Variants in PHLPP2 observed in about 807,000 individuals in gnomAD.
PHLPP2 encodes PH domain and leucine rich repeat protein phosphatase 2, also known as PH domain leucine-rich repeat-containing protein phosphatase 2.
A neutral mutation model predicts 124.9 loss-of-function variants in PHLPP2; 66 were observed. The ratio of observed to expected loss-of-function variants is 0.53; its 90% CI spans 0.43 to 0.65. The LOEUF (loss-of-function observed/expected upper bound fraction) is 0.65, where lower values mean the gene tolerates loss of function less well. Ranked by LOEUF, PHLPP2 falls within the 30% of genes least tolerant of loss-of-function variation. The pLI is 0.00. For synonymous variants in PHLPP2, 681 were observed against 624.7 expected, an observed-to-expected ratio of 1.09 and a Z score of -1.34; for missense variants, 1,685 against 1,600.4, an observed-to-expected ratio of 1.05 and a Z score of -0.90.
chr16:71,648,976 T>C lies in PHLPP2; in HGVS notation c.3886A>G (p.Lys1296Glu), dbSNP rs376338553. Residue 1296 changes from lysine (K) to glutamate (E), a missense_variant, in exon 19 of 19, where the codon AAA (lysine) becomes GAA (glutamate). Physicochemically the swap from Lys to Glu is moderately conservative, Grantham distance 56. Transcript: ENST00000568954. ...DLEEEVKEQM[K>E]QHQDSRLEPE... Reference sequence around the variant, plus strand: ...TCGAGCCGGCTGTCCTGGTGCTGTTTCATTTGTTCCTTCACTTCTTCTTCC... The same window carrying C: ...TCGAGCCGGCTGTCCTGGTGCTGTTCCATTTGTTCCTTCACTTCTTCTTCC... The C allele has an allele frequency of 3.1e-6, 5 of 1,613,978 alleles. No homozygotes were observed. Among genetic ancestry groups the C allele is most frequent in the Non-Finnish European group, 4.2e-6 (5 of 1,180,026 alleles).
chr16:71,723,693 A>C, intron 1 of PHLPP2: 1 of 659,466 alleles, frequency 1.5e-6, no homozygotes, highest in African/African-American at 1.9e-5. Context: ...AGCGGCCTCT[A>C]GCCTCCCTCG....
intron 17 of PHLPP2, 78 bp from the exon 18 acceptor site, chr16:71,653,099 CTTT>C (rs11298836): frequency 0.075 from 37,910 of 505,700 alleles, no homozygotes; most frequent in East Asian, 0.1. Context: ...TACATCCCTT[CTTT>C]TTTTTTTTTT....
chr16:71,709,609 A>G (rs2045310573), intron 2 of PHLPP2, among the ~76,000 whole-genome samples: 1 of 152,226 alleles, frequency 6.6e-6, no homozygotes, highest in African/African-American at 2.4e-5. Flanking sequence ...TTATCACTCG[A>G]AACAGTTCAA....
chr16:71,651,592 T>C (rs1480109200), intron 18 of PHLPP2, among the ~76,000 whole-genome samples: 1 of 152,186 alleles, frequency 6.6e-6, no homozygotes, highest in Non-Finnish European at 1.5e-5. Context: ...CTTTCATTTG[T>C]TTTGACTGAA....
At position 71,646,217 on chromosome 16, in the gene PHLPP2, A is replaced by G. The variant is rs2044652274; in HGVS notation, c.*2673T>C. On this transcript the variant is annotated 3_prime_UTR_variant, in exon 19 of 19. Transcript: ENST00000568954. ...CTGTAAGTTACCTCATAGGTCAAAG[A>G]GTTTTGTATTATATTTTTCATAATG... The G allele has an allele frequency of 6.6e-6, 1 of 152,574 alleles. No individual in the cohort carries two copies. The highest frequency in any genetic ancestry group is 2.4e-5 in the African/African-American group (1 of 41,466). 9.5% of individuals were successfully genotyped at this position (152,574 alleles called of 1,614,324 possible).
In PHLPP2 at chr16:71,708,496, G is replaced by A. The variant is rs144013321; in HGVS notation, c.285-5765C>T. Among the ~76,000 whole-genome samples, 661 of 152,228 alleles carry A rather than the reference G, an allele frequency of 4.3e-3. 11 individuals are homozygous for A. The highest frequency in any genetic ancestry group is 0.015 in the African/African-American group (640 of 41,528). ...CTGATTCCTTTTTCCGACTCAGCCC[G>A]CCTGCACCCATGTGATTAAAAAGCT... is the stretch of plus-strand genomic sequence containing the variant. On this transcript the variant is annotated intron_variant, in intron 2 of 18. Transcript: ENST00000568954.
In PHLPP2 at chr16:71,658,848, C is replaced by A. The variant is rs576209357; in HGVS notation, c.1986-33G>T. The A allele has an allele frequency of 2.1e-5, 34 of 1,603,220 alleles. No individual in the cohort carries two copies. In the South Asian group the frequency reaches 3.0e-4, roughly 14 times the overall value. Reference sequence around the variant, plus strand: ...AGAAACAACAGAATACTATAATGCACCAAGACTGAGCAGCTGCCAAGGAAG... The same window carrying A: ...AGAAACAACAGAATACTATAATGCAACAAGACTGAGCAGCTGCCAAGGAAG... On this transcript the variant is annotated intron_variant, in intron 13 of 18. Transcript: ENST00000568954.
chr16:71,647,494 C>G lies in PHLPP2; in HGVS notation c.*1396G>C, dbSNP rs2044661682. ...CATTCTAGAGAACCATCCCTCTCCTCCAGCATAGGAGAAGGAACAAGTCTA... is the reference window on the plus strand; with the variant it reads ...CATTCTAGAGAACCATCCCTCTCCTGCAGCATAGGAGAAGGAACAAGTCTA... On this transcript the variant is annotated 3_prime_UTR_variant, in exon 19 of 19. Coordinates refer to ENST00000568954, the MANE Select transcript of PHLPP2 (RefSeq NM_015020.3). 1 of 152,426 alleles carries G rather than the reference C, an allele frequency of 6.6e-6. No individual in the cohort carries two copies. Among genetic ancestry groups the G allele is most frequent in the Non-Finnish European group, 1.5e-5 (1 of 68,052 alleles). The allele number at this position is 152,426 out of a possible 1,614,324, so 9.4% of individuals were successfully genotyped here. A position where few individuals can be genotyped will look rare whatever the true frequency, so the allele number is the denominator to read the frequency against.
At chr16:71,654,982 T>C (rs1014355937) in intron 17 of PHLPP2, 3 of 430,498 alleles carry the variant, frequency 7.0e-6, no homozygotes, top group Non-Finnish European at 1.3e-5. Flanking sequence ...ACACACAACA[T>C]TTTGCACATA....
chr16:71,685,198 G>T (rs143408429), intron 4 of PHLPP2, among the ~76,000 whole-genome samples: 1 of 152,146 alleles, frequency 6.6e-6, no homozygotes, highest in African/African-American at 2.4e-5. Context: ...GTGGTCACGG[G>T]CTCCTGTAAT....
At chr16:71,653,400 G>A (rs1473486463) in intron 17 of PHLPP2, among the ~76,000 whole-genome samples, 2 of 152,152 alleles carry the variant, frequency 1.3e-5, no homozygotes, top group Non-Finnish European at 2.9e-5. Flanking sequence ...CAGTGGGTAA[G>A]AGGCTGGCCC....
rs752382659 is a variant in PHLPP2 at position 71,714,646 on chromosome 16, G to T, written c.150C>A (p.Ser50=). The T allele has an allele frequency of 6.2e-7, 1 of 1,613,658 alleles. No homozygotes were observed. The highest frequency in any genetic ancestry group is 8.5e-7 in the Non-Finnish European group (1 of 1,179,592). ...AAGAGGAGGAGGAGGAAGAGGAAGAGGAGGTGGTGGTGGTTGTAGTGGCAG... is the reference window on the plus strand; with the variant it reads ...AAGAGGAGGAGGAGGAAGAGGAAGATGAGGTGGTGGTGGTTGTAGTGGCAG... ...TTTATTTTTT[S]SSSSSSSSSS... Residue 50 remains serine, a synonymous_variant, in exon 2 of 19, where the codon TCC becomes TCA. Coordinates refer to ENST00000568954, the MANE Select transcript of PHLPP2 (RefSeq NM_015020.3).
Position 71,649,406 on chromosome 16 carries a change from G to C in PHLPP2, c.3456C>G (p.Asp1152Glu), listed in dbSNP as rs112926670. 27 of 1,614,090 alleles carry C rather than the reference G, an allele frequency of 1.7e-5. No homozygotes were observed. The highest frequency in any genetic ancestry group is 1.2e-4 in the African/African-American group (9 of 75,032). The change falls in exon 19 of 19, where the codon GAC (aspartate) becomes GAG (glutamate). Residue 1152 changes from aspartate (D) to glutamate (E), a missense_variant. Physicochemically the swap from Asp to Glu is conservative, Grantham distance 45 (BLOSUM62 2). Coordinates refer to ENST00000568954, the MANE Select transcript of PHLPP2 (RefSeq NM_015020.3). Reference sequence around the variant, plus strand: ...TGGTTATGACCCCCTCAACGGGCTGGTCATCATCACTGTCCAGGCCGTTGT... The same window carrying C: ...TGGTTATGACCCCCTCAACGGGCTGCTCATCATCACTGTCCAGGCCGTTGT... ...QSDNGLDSDDDQPVEGVITNG... is the reference protein window; with the variant it reads ...QSDNGLDSDDEQPVEGVITNG...
chr16:71,653,952 T>C (rs1329140595), intron 17 of PHLPP2, among the ~76,000 whole-genome samples: 1 of 151,770 alleles, frequency 6.6e-6, no homozygotes, highest in East Asian at 1.9e-4. Context: ...TCCCAGCACT[T>C]TGGGAGGCCG....
intron 3 of PHLPP2, among the ~76,000 whole-genome samples, chr16:71,694,313 T>C (rs1204557273): frequency 6.6e-6 from 1 of 151,892 alleles, no homozygotes; most frequent in Admixed American, 6.6e-5. Flanking sequence ...ATACAAAAAT[T>C]AGCTGGGCAT....
chr16:71,683,074 G>A (rs554646457), intron 5 of PHLPP2, among the ~76,000 whole-genome samples: 1 of 152,144 alleles, frequency 6.6e-6, no homozygotes, highest in South Asian at 2.1e-4. Context: ...AAGAGGCTGA[G>A]GCAGGAGAAC....
intron 3 of PHLPP2, among the ~76,000 whole-genome samples, chr16:71,700,389 G>A (rs886393924): frequency 1.3e-5 from 2 of 151,122 alleles, no homozygotes; most frequent in Non-Finnish European, 2.9e-5. Context: ...TAGGCAACTG[G>A]GTGATACCCT....
intron 3 of PHLPP2, among the ~76,000 whole-genome samples, chr16:71,697,047 T>G (rs2145362309): frequency 6.6e-6 from 1 of 152,090 alleles, no homozygotes; most frequent in African/African-American, 2.4e-5. Flanking sequence ...GGTGGGTTCC[T>G]CTAATCCCAG....
intron 13 of PHLPP2, among the ~76,000 whole-genome samples, chr16:71,659,248 T>A (rs947425025): frequency 0.011 from 50 of 4,604 alleles, no homozygotes; most frequent in Middle Eastern, 0.25. Context: ...ATCACAAAGA[T>A]TTTTTTTTTT....
Sources: allele counts gnomAD v4.1 joint callset (sites outside exome capture counted in the v4.1 genomes callset), GRCh38; gene constraint gnomAD v4.1.1; transcripts MANE v1.5; gene names NCBI Gene and HGNC (gene_info 2026-07-23, HGNC 2026-07-21).